The following ITCH variants were observed in gnomAD, a reference collection of about 807,000 sequenced individuals.
ITCH encodes E3 ubiquitin-protein ligase Itchy homolog.
A neutral mutation model predicts 126.8 loss-of-function variants in ITCH; 28 were observed. The ratio of observed to expected loss-of-function variants is 0.22; its 90% CI spans 0.16 to 0.30. ITCH has a LOEUF of 0.30. ITCH is among the 10% of genes least tolerant of loss of function. ITCH has a pLI of 1.00. For synonymous variants in ITCH, 342 were observed against 340.0 expected, an observed-to-expected ratio of 1.01 and a Z score of -0.06; for missense variants, 631 against 1,032.4, an observed-to-expected ratio of 0.61 and a Z score of 5.33.
chr20:34,413,857 T>C lies in ITCH; in HGVS notation c.453T>C (p.Asn151=). The C allele has an allele frequency of 6.2e-7, 1 of 1,613,638 alleles. No homozygotes were observed. The highest frequency in any genetic ancestry group is 8.5e-7 in the Non-Finnish European group (1 of 1,179,558). Residue 151 remains asparagine, a synonymous_variant, in exon 6 of 25, where the codon AAT becomes AAC. Coordinates refer to ENST00000374864, the MANE Select transcript of ITCH (RefSeq NM_031483.7). Reference sequence around the variant, plus strand: ...AGTTAGAGTCTGAAGTTGTTACCAATGGTGAAACTACATGTTCAGAAAGTA... The same window carrying C: ...AGTTAGAGTCTGAAGTTGTTACCAACGGTGAAACTACATGTTCAGAAAGTA... The part of the protein sequence containing the change: ...GLQLESEVVT[N]GETTCSESAS...
chr20:34,435,897 G>A (rs1483432428), intron 7 of ITCH, among the ~76,000 whole-genome samples: 3 of 152,188 alleles, frequency 2.0e-5, no homozygotes, highest in Non-Finnish European at 4.4e-5. Flanking sequence ...AAAAGATACT[G>A]TAGGAGGCAG....
chr20:34,393,972 C>G, intron 3 of ITCH, 91 bp downstream of exon 3: 1 of 1,226,772 alleles, frequency 8.2e-7, no homozygotes, highest in Non-Finnish European at 1.2e-6. Flanking sequence ...TGGCCCATGC[C>G]TGTAATCCCA....
intron 23 of ITCH, among the ~76,000 whole-genome samples, chr20:34,497,058 G>A (rs372424838): frequency 3.4e-4 from 51 of 151,544 alleles, no homozygotes; most frequent in African/African-American, 6.8e-4. Context: ...GTACAGTGGC[G>A]AGATCTCGGC....
chr20:34,363,691 C>T (rs1343520485), intron 1 of ITCH, among the ~76,000 whole-genome samples: 6 of 152,076 alleles, frequency 3.9e-5, no homozygotes, highest in Non-Finnish European at 8.8e-5. Flanking sequence ...CCGCCTGGGG[C>T]CACTCTCCAG....
intron 2 of ITCH, among the ~76,000 whole-genome samples, chr20:34,391,017 T>C (rs2038471165): frequency 6.6e-6 from 1 of 152,112 alleles, no homozygotes. Context: ...CCTCCCAGAG[T>C]GCTGGGATTA....
chr20:34,467,607 T>C (rs573622445), intron 14 of ITCH, among the ~76,000 whole-genome samples: 13 of 151,410 alleles, frequency 8.6e-5, no homozygotes, highest in East Asian at 1.9e-4. Flanking sequence ...ATCAAACTTA[T>C]AAGTTATAAA....
intron 11 of ITCH, among the ~76,000 whole-genome samples, chr20:34,447,470 C>T (rs1195001424): frequency 6.6e-6 from 1 of 152,148 alleles, no homozygotes; most frequent in African/African-American, 2.4e-5. Flanking sequence ...TGTTGTGACT[C>T]TTACTAGCAT....
At chr20:34,447,692 G>A (rs1244812828) in intron 11 of ITCH, among the ~76,000 whole-genome samples, 1 of 152,174 alleles carries the variant, frequency 6.6e-6, no homozygotes, top group African/African-American at 2.4e-5. Context: ...TGTAACTTGG[G>A]CTCAGACCTT....
At chr20:34,417,143 C>G (rs1353617995) in intron 6 of ITCH, 1 of 681,372 alleles carries the variant, frequency 1.5e-6, no homozygotes, top group Non-Finnish European at 2.7e-6. Flanking sequence ...TTTGCCCAGG[C>G]TGGAGTGCAA....
chr20:34,401,947 T>C (rs1404378709), intron 3 of ITCH, among the ~76,000 whole-genome samples: 3 of 152,156 alleles, frequency 2.0e-5, no homozygotes, highest in African/African-American at 7.2e-5. Flanking sequence ...TTACTCAAAA[T>C]TAACTAGTAC....
At chr20:34,424,926 TG>T (rs1365494969) in intron 7 of ITCH, among the ~76,000 whole-genome samples, 2 of 152,234 alleles carry the variant, frequency 1.3e-5, no homozygotes, top group African/African-American at 4.8e-5. Flanking sequence ...GGCAGAGCTT[TG>T]TACCAGCTGT....
rs368675156 is a variant in ITCH, at chr20:34,500,776, G to A, written c.2417-3555G>A. ...TCTTTCTCTCATTGTTTATCATTAT[G>A]GTTTTTGTGGTTTTCTATAGTGCTA... On this transcript the variant is annotated intron_variant, in intron 23 of 24. Transcript: ENST00000374864. 1.2e-4 allele frequency among the ~76,000 whole-genome samples: 18 copies of A among 152,098 alleles called. No individual in the cohort carries two copies. The East Asian group carries it at 3.5e-3, about 29-fold the overall frequency.
At chr20:34,469,577 C>G (rs1987423020) in intron 14 of ITCH, among the ~76,000 whole-genome samples, 1 of 152,128 alleles carries the variant, frequency 6.6e-6, no homozygotes. Flanking sequence ...AGGTGTGAAC[C>G]ACTGCACCTG....
chr20:34,417,519 C>T (rs1236222550), intron 6 of ITCH, among the ~76,000 whole-genome samples: 1 of 151,764 alleles, frequency 6.6e-6, no homozygotes, highest in Non-Finnish European at 1.5e-5. Flanking sequence ...CCTTCCTCAG[C>T]CTCCCGAGTA....
At chr20:34,390,443 C>CTTTTTTTTTTTTT (rs546555130) in intron 2 of ITCH, among the ~76,000 whole-genome samples, 3 of 90,756 alleles carry the variant, frequency 3.3e-5, no homozygotes, top group Non-Finnish European at 4.4e-5. Context: ...CAAGAATAAT[C>CTTTTTTTTTTTTT]TTTTTTTTTT....
intron 12 of ITCH, among the ~76,000 whole-genome samples, chr20:34,455,774 G>T (rs749348783): frequency 6.6e-6 from 1 of 151,802 alleles, no homozygotes; most frequent in African/African-American, 2.4e-5. Context: ...TACTGCGCCC[G>T]GCCAATATCC....
At chr20:34,467,101 G>A (rs1987137058) in intron 14 of ITCH, among the ~76,000 whole-genome samples, 1 of 152,220 alleles carries the variant, frequency 6.6e-6, no homozygotes, top group South Asian at 2.1e-4. Context: ...ATAATAAAGG[G>A]TATATTTATG....
Position 34,424,353 on chromosome 20 carries a change from A to G in ITCH, c.476-127A>G, listed in dbSNP as rs1981202637. The G allele has an allele frequency of 5.3e-6, 4 of 756,972 alleles. No homozygotes were observed. The South Asian group carries it at 6.2e-5, about 12-fold the overall frequency. The allele number at this position is 756,972 out of a possible 1,614,324, so 46.9% of individuals were successfully genotyped here. A position where few individuals can be genotyped will look rare whatever the true frequency, so the allele number is the denominator to read the frequency against. On this transcript the variant is annotated intron_variant, in intron 6 of 24. Transcript: ENST00000374864. ...CCTTTTAAAGTCATGTTGGAATTTA[A>G]GTTATAGTATGTTCTTTATTACAAA...
At position 34,469,525 on chromosome 20, in the gene ITCH, G is replaced by A. The variant is rs567286212; in HGVS notation, c.1425-523G>A. 1.3e-4 allele frequency among the ~76,000 whole-genome samples: 20 copies of A among 152,088 alleles called. No individual in the cohort carries two copies. The East Asian group carries it at 3.3e-3, about 25-fold the overall frequency. Reference sequence around the variant, plus strand: ...GGCTGGTCTCAAACTCCTGACCTCAGATGATCCACCCGCCTCAGCCTCCCA... The same window carrying A: ...GGCTGGTCTCAAACTCCTGACCTCAAATGATCCACCCGCCTCAGCCTCCCA... On this transcript the variant is annotated intron_variant, in intron 14 of 24. Coordinates refer to ENST00000374864, the MANE Select transcript of ITCH (RefSeq NM_031483.7).
Sources: allele counts gnomAD v4.1 joint callset (sites outside exome capture counted in the v4.1 genomes callset), GRCh38; gene constraint gnomAD v4.1.1; transcripts MANE v1.5; gene names NCBI Gene and HGNC (gene_info 2026-07-23, HGNC 2026-07-21).